Variants in DCBLD2 observed in about 807,000 individuals in gnomAD.
DCBLD2 encodes the protein discoidin, CUB and LCCL domain containing 2.
DCBLD2 carries 54 observed loss-of-function variants against 86.8 expected under a neutral mutation model. The ratio of observed to expected loss-of-function variants is 0.62; its 90% CI spans 0.50 to 0.78. The LOEUF is 0.78. Ranked by LOEUF, DCBLD2 falls within the 30% of genes least tolerant of loss-of-function variation. The probability of loss-of-function intolerance (pLI) is 0.00; values close to 1 mark genes in which losing one functional copy is unlikely to be tolerated. For synonymous variants in DCBLD2, 354 were observed against 341.3 expected, an observed-to-expected ratio of 1.04 and a Z score of -0.41; for missense variants, 908 against 954.2, an observed-to-expected ratio of 0.95 and a Z score of 0.64.
intron 1 of DCBLD2, among the ~76,000 whole-genome samples, chr3:98,885,978 C>T (rs1943555106): frequency 6.6e-6 from 1 of 151,532 alleles, no homozygotes; most frequent in South Asian, 2.1e-4. Flanking sequence ...GAATGATCAA[C>T]CTTAAAAGTG....
intron 2 of DCBLD2, among the ~76,000 whole-genome samples, chr3:98,854,234 C>T (rs1435109289): frequency 5.3e-5 from 8 of 152,198 alleles, no homozygotes; most frequent in Admixed American, 4.6e-4. Context: ...ACAATGTTTA[C>T]CATAGATGCT....
intron 1 of DCBLD2, among the ~76,000 whole-genome samples, chr3:98,895,670 GATT>G (rs145630001): frequency 0.047 from 7,180 of 152,128 alleles, 255 homozygotes; most frequent in Non-Finnish European, 0.071. Flanking sequence ...AACCTTCCTT[GATT>G]ATTATTATAG....
chr3:98,831,759 A>T (rs949623879), intron 3 of DCBLD2, among the ~76,000 whole-genome samples: 1 of 151,746 alleles, frequency 6.6e-6, no homozygotes, highest in Non-Finnish European at 1.5e-5. Context: ...GTTTTGAGCC[A>T]TTTTTTTTAG....
At chr3:98,866,850 T>C (rs140507003) in intron 2 of DCBLD2, among the ~76,000 whole-genome samples, 25 of 152,366 alleles carry the variant, frequency 1.6e-4, no homozygotes, top group Non-Finnish European at 1.5e-5. Flanking sequence ...GTCTAACATT[T>C]AAGTCTTTAA....
chr3:98,885,852 G>C (rs963503172), intron 1 of DCBLD2, among the ~76,000 whole-genome samples: 5 of 151,364 alleles, frequency 3.3e-5, no homozygotes, highest in African/African-American at 1.2e-4. Context: ...GCAGTGTCTT[G>C]AGACAATTTT....
At position 98,811,276 on chromosome 3, in the gene DCBLD2, G is replaced by A. The variant is rs1174393894; in HGVS notation, c.1494C>T (p.Ser498=). 1.9e-6 allele frequency: 3 copies of A among 1,612,850 alleles called. No homozygotes were observed. The highest frequency in any genetic ancestry group is 2.5e-6 in the Non-Finnish European group (3 of 1,179,472). Residue 498 remains serine, a synonymous_variant, in exon 12 of 16, where the codon AGC becomes AGT. Transcript: ENST00000326840. ...KFTQPLQPRS[S]NEFPAQTEQT... ...GTTCTGTCTGTGCAGGAAATTCATT[G>A]CTACTGCGAGGTTGTAGTGGTTGCG...
At chr3:98,851,916 C>T (rs559016984) in intron 2 of DCBLD2, among the ~76,000 whole-genome samples, 1 of 152,312 alleles carries the variant, frequency 6.6e-6, no homozygotes, top group East Asian at 1.9e-4. Flanking sequence ...CTTCCTTACA[C>T]CTTATACAAA....
At position 98,799,757 on chromosome 3, in the gene DCBLD2, C is replaced by T; in HGVS notation, c.1943G>A (p.Gly648Asp). 1 of 1,613,906 alleles carries T rather than the reference C, an allele frequency of 6.2e-7. No homozygotes were observed. The highest frequency in any genetic ancestry group is 2.2e-5 in the East Asian group (1 of 44,880). ...TFKPEEGKEA[G>D]YADLDPYNSP... ...GTTGTAAGGATCTAGGTCTGCATAG[C>T]CTGCTTCTTTTCCTTCTTCTGGTTT... Residue 648 changes from glycine to aspartate, a missense_variant, in exon 16 of 16, where the codon GGC (glycine) becomes GAC (aspartate). Around this residue, in one of 3 missense-constraint regions of DCBLD2, gnomAD observed 606 missense variants for 678.5 expected, o/e 0.89. Coordinates refer to ENST00000326840, the MANE Select transcript of DCBLD2 (RefSeq NM_080927.4).
intron 13 of DCBLD2, among the ~76,000 whole-genome samples, chr3:98,802,220 G>A (rs1303770900): frequency 3.9e-5 from 6 of 152,128 alleles, no homozygotes; most frequent in Non-Finnish European, 5.9e-5. Flanking sequence ...AGCACCTGTT[G>A]TTTCCTGACT....
In DCBLD2 at chr3:98,819,170, C is replaced by T. The variant is rs575335404; in HGVS notation, c.1087+32G>A. On this transcript the variant is annotated intron_variant, in intron 8 of 15. Coordinates refer to ENST00000326840, the MANE Select transcript of DCBLD2 (RefSeq NM_080927.4). ...AGTTTTTCAAATAAAATAAGTGTTA[C>T]AAATTGCTTTAGAAAATTTTTGTCT... 2.4e-5 allele frequency: 37 copies of T among 1,527,476 alleles called. 1 individual carries two copies. Among genetic ancestry groups the T allele is most frequent in the South Asian group, 2.0e-4 (16 of 80,922 alleles). 94.6% of individuals were successfully genotyped at this position (1,527,476 alleles called of 1,614,324 possible).
At position 98,884,988 on chromosome 3, in the gene DCBLD2, C is replaced by T. The variant is rs541698319; in HGVS notation, c.206-3221G>A. On this transcript the variant is annotated intron_variant, in intron 1 of 15. Coordinates refer to ENST00000326840, the MANE Select transcript of DCBLD2 (RefSeq NM_080927.4). ...TCATGTTTGATTCTCAATAAATACA[C>T]GAACATTTACTGCCCTTTCCAACAT... 7.2e-5 allele frequency among the ~76,000 whole-genome samples: 11 copies of T among 152,202 alleles called. No individual in the cohort carries two copies. The East Asian group carries it at 1.7e-3, about 24-fold the overall frequency.
intron 1 of DCBLD2, among the ~76,000 whole-genome samples, chr3:98,883,386 A>G (rs1943506498): frequency 6.6e-6 from 1 of 152,120 alleles, no homozygotes; most frequent in South Asian, 2.1e-4. Flanking sequence ...CGCACACCTT[A>G]TTTTTTCCCT....
chr3:98,812,889 C>T (rs1370962428), intron 9 of DCBLD2: 1 of 153,132 alleles, frequency 6.5e-6, no homozygotes, highest in Non-Finnish European at 1.5e-5. Context: ...CATGCCAAGT[C>T]TTAGGGGAAA....
At chr3:98,884,358 C>T (rs1943523432) in intron 1 of DCBLD2, among the ~76,000 whole-genome samples, 1 of 151,564 alleles carries the variant, frequency 6.6e-6, no homozygotes, top group Admixed American at 6.6e-5. Flanking sequence ...TGCAATATAT[C>T]CACTGGTCTT....
chr3:98,826,921 T>C (rs1406780872), intron 3 of DCBLD2, among the ~76,000 whole-genome samples: 1 of 152,174 alleles, frequency 6.6e-6, no homozygotes, highest in African/African-American at 2.4e-5. Context: ...CTGAACAGTA[T>C]ATAAATATTT....
At chr3:98,882,260 T>C (rs907261875) in intron 1 of DCBLD2, among the ~76,000 whole-genome samples, 1 of 149,504 alleles carries the variant, frequency 6.7e-6, no homozygotes, top group Non-Finnish European at 1.5e-5. Context: ...TATAAATTAG[T>C]AGTCATTAAA....
intron 1 of DCBLD2, among the ~76,000 whole-genome samples, chr3:98,888,599 T>C (rs576158666): frequency 1.3e-5 from 2 of 152,176 alleles, no homozygotes; most frequent in East Asian, 3.9e-4. Flanking sequence ...AACAATGTGC[T>C]CAATAAATAT....
chr3:98,816,749 G>C (rs1429244318), intron 9 of DCBLD2, among the ~76,000 whole-genome samples: 1 of 152,120 alleles, frequency 6.6e-6, no homozygotes, highest in Admixed American at 6.5e-5. Context: ...CAAACTCATA[G>C]GAAAGTTTGA....
chr3:98,825,032 G>A (rs1383080247), intron 4 of DCBLD2, among the ~76,000 whole-genome samples: 5 of 152,002 alleles, frequency 3.3e-5, no homozygotes, highest in Non-Finnish European at 5.9e-5. Flanking sequence ...ACTTTTACTA[G>A]GAGTTTTGCT....
Sources: allele counts gnomAD v4.1 joint callset (sites outside exome capture counted in the v4.1 genomes callset), GRCh38; gene constraint gnomAD v4.1.1; regional missense constraint gnomAD v4.1.1; transcripts MANE v1.5; gene names NCBI Gene and HGNC (gene_info 2026-07-23, HGNC 2026-07-21).